CRISP3: variants seen among roughly 807,000 people sequenced by gnomAD.
The protein encoded by CRISP3 is cysteine-rich secretory protein 3.
CRISP3 carries 33 observed loss-of-function variants against 36.1 expected under a neutral mutation model. The observed-to-expected ratio is 0.91, with a 90% CI of 0.69 to 1.22. CRISP3 has a LOEUF of 1.22. CRISP3 is among the 50% of genes most tolerant of loss of function. CRISP3 has a pLI of 0.00. For missense variants in CRISP3, 330 were observed against 301.2 expected, an observed-to-expected ratio of 1.10 and a Z score of -0.71; for synonymous variants, 117 against 104.6, an observed-to-expected ratio of 1.12 and a Z score of -0.72.
chr6:49,735,606 G>GA lies in CRISP3; in HGVS notation c.229-16dup, dbSNP rs561567567. 9.6e-5 allele frequency: 154 copies of GA among 1,600,316 alleles called. 1 individual carries two copies. In the South Asian group the frequency reaches 1.2e-3, roughly 12 times the overall value. On this transcript the variant is annotated splice_polypyrimidine_tract_variant and intron_variant, in intron 3 of 7. Coordinates refer to ENST00000263045, the MANE Select transcript of CRISP3 (RefSeq NM_006061.4). ...TTGTTCCATTCCTGAAACAAGGACAGAAAAAAGATATCCACTTAATGTCTC... is the reference window on the plus strand; with the variant it reads ...TTGTTCCATTCCTGAAACAAGGACAGAAAAAAAGATATCCACTTAATGTCTC...
At chr6:49,736,360 C>T (rs775355691) in intron 3 of CRISP3, 31 bp downstream of exon 3, 7 of 1,429,090 alleles carry the variant, frequency 4.9e-6, no homozygotes, top group South Asian at 4.7e-5. Context: ...AGCTTGTTCA[C>T]ACCCCTCTCC....
intron 2 of CRISP3, among the ~76,000 whole-genome samples, chr6:49,737,088 T>C (rs996445040): frequency 6.6e-6 from 1 of 152,172 alleles, no homozygotes; most frequent in Non-Finnish European, 1.5e-5. Context: ...CAAGGCAATT[T>C]GCGGGGTGGA....
Position 49,727,582 on chromosome 6 carries a change from T to G in CRISP3, c.*1148A>C, listed in dbSNP as rs1768796544. The G allele has an allele frequency of 6.6e-6, 1 of 152,066 alleles. No individual in the cohort carries two copies. The highest frequency in any genetic ancestry group is 6.5e-5 in the Admixed American group (1 of 15,268). The allele number at this position is 152,066 out of a possible 1,614,324, so 9.4% of individuals were successfully genotyped here. Reference sequence around the variant, plus strand: ...CCAGATTCTATTCAGACTTCATCAGTTTTTTCATTACTGATCTTTTTCTGT... The same window carrying G: ...CCAGATTCTATTCAGACTTCATCAGGTTTTTCATTACTGATCTTTTTCTGT... On this transcript the variant is annotated 3_prime_UTR_variant, in exon 8 of 8. Coordinates refer to ENST00000263045, the MANE Select transcript of CRISP3 (RefSeq NM_006061.4).
rs1769028388 is a variant in CRISP3 at position 49,735,552 on chromosome 6, C to T, written c.268G>A (p.Ala90Thr). 6.2e-7 allele frequency: 1 copy of T among 1,612,440 alleles called. No individual in the cohort carries two copies. Among genetic ancestry groups the T allele is most frequent in the Non-Finnish European group, 8.5e-7 (1 of 1,179,090 alleles). ...CTGTGTCTGTAATTGCACTGGTTTG[C>T]CCACTTTTGGGCATTTGCTGCAGCC... ...KEAAANAQKWANQCNYRHSNP... is the reference protein window; with the variant it reads ...KEAAANAQKWTNQCNYRHSNP... Residue 90 changes from alanine to threonine, a missense_variant, in exon 4 of 8, where the codon GCA (alanine) becomes ACA (threonine). Transcript: ENST00000263045.
At chr6:49,732,578 G>A (rs1355849504) in intron 6 of CRISP3, among the ~76,000 whole-genome samples, 1 of 152,040 alleles carries the variant, frequency 6.6e-6, no homozygotes, top group Non-Finnish European at 1.5e-5. Flanking sequence ...AAGAAATTAG[G>A]ATCTTAATGG....
chr6:49,737,975 A>C (rs1219676667), intron 1 of CRISP3, among the ~76,000 whole-genome samples: 1 of 151,826 alleles, frequency 6.6e-6, no homozygotes, highest in African/African-American at 2.4e-5. Context: ...CCTTTAAACT[A>C]CTCTCTTCAA....
intron 4 of CRISP3, among the ~76,000 whole-genome samples, chr6:49,734,487 C>T (rs972198071): frequency 3.9e-5 from 6 of 152,080 alleles, no homozygotes; most frequent in Non-Finnish European, 8.8e-5. Context: ...CCCAGAAATA[C>T]TTCAACACTT....
At chr6:49,742,985 G>T (rs1156274530) in intron 1 of CRISP3, among the ~76,000 whole-genome samples, 1 of 152,136 alleles carries the variant, frequency 6.6e-6, no homozygotes, top group East Asian at 1.9e-4. Flanking sequence ...AGTATTTGAT[G>T]CAATATTTTC....
Position 49,733,746 on chromosome 6 carries a change from A to G in CRISP3, c.419T>C (p.Val140Ala). 1 of 1,613,722 alleles carries G rather than the reference A, an allele frequency of 6.2e-7. No individual in the cohort carries two copies. Among genetic ancestry groups the G allele is most frequent in the South Asian group, 1.1e-5 (1 of 91,060 alleles). The change falls in exon 5 of 8, where the codon GTA becomes GCA. Residue 140 changes from valine (V) to alanine (A), a missense_variant. Coordinates refer to ENST00000263045, the MANE Select transcript of CRISP3 (RefSeq NM_006061.4). ...CACTGCGTTGGGAGTCTTTGGCCCT[A>G]CACCAAAGTCAAAATCATTGTACTC... ...FDEYNDFDFG[V>A]GPKTPNAVVG... is the part of the protein sequence containing the mutation.
intron 1 of CRISP3, among the ~76,000 whole-genome samples, chr6:49,741,024 T>C (rs1288355046): frequency 2.7e-5 from 4 of 150,372 alleles, no homozygotes; most frequent in African/African-American, 2.4e-5. Flanking sequence ...TGGCGTGAAC[T>C]CGGGAGGCAG....
At chr6:49,741,606 A>G (rs1769203709) in intron 1 of CRISP3, among the ~76,000 whole-genome samples, 4 of 142,160 alleles carry the variant, frequency 2.8e-5, no homozygotes, top group East Asian at 2.1e-4. Flanking sequence ...CAACCCCTGT[A>G]TGTAGTTTTT....
chr6:49,737,038 A>G (rs1005626955), intron 2 of CRISP3, among the ~76,000 whole-genome samples: 12 of 152,070 alleles, frequency 7.9e-5, no homozygotes, highest in Non-Finnish European at 4.4e-5. Context: ...ATATTATGGG[A>G]TCACTCAAAA....
intron 3 of CRISP3, among the ~76,000 whole-genome samples, chr6:49,735,999 G>A (rs185862992): frequency 2.0e-5 from 3 of 151,958 alleles, no homozygotes; most frequent in East Asian, 1.9e-4. Flanking sequence ...GAATATGTTC[G>A]GGAGACATGT....
intron 1 of CRISP3, among the ~76,000 whole-genome samples, chr6:49,740,393 C>G (rs7760595): frequency 0.14 from 21,376 of 152,116 alleles, 1,683 homozygotes; most frequent in African/African-American, 0.21. Context: ...ATAAAGCAAG[C>G]CTTTGGCTTT....
In CRISP3 at chr6:49,731,248, A is replaced by G. The variant is rs1554140550; in HGVS notation, c.564T>C (p.Gly188=). Residue 188 remains glycine, a synonymous_variant, in exon 7 of 8, where the codon GGT becomes GGC. Transcript: ENST00000263045. ...GGACATATAGTCTATTAGCCCAATT[A>G]CCACTGAAATTTGAAATAAAAATGT... The part of the protein sequence containing the change: ...YYYVCQYCPA[G]NWANRLYVPY... The G allele has an allele frequency of 2.5e-6, 4 of 1,583,824 alleles. No homozygotes were observed. In the East Asian group the frequency reaches 6.8e-5, roughly 27 times the overall value.
At chr6:49,728,962 C>G (rs1482691730) in intron 7 of CRISP3, 105 bp from the exon 8 acceptor site, 1 of 1,089,404 alleles carries the variant, frequency 9.2e-7, no homozygotes, top group Non-Finnish European at 1.3e-6. Context: ...AGTGAGCAAA[C>G]AAGTTGAGAT....
intron 7 of CRISP3, among the ~76,000 whole-genome samples, chr6:49,729,676 G>GTT (rs532583882): frequency 6.6e-6 from 1 of 150,932 alleles, no homozygotes; most frequent in Admixed American, 6.6e-5. Context: ...CTATTTTTTG[G>GTT]TTTTTTTTTG....
At chr6:49,738,091 C>A (rs1194128948) in intron 1 of CRISP3, among the ~76,000 whole-genome samples, 4 of 152,056 alleles carry the variant, frequency 2.6e-5, no homozygotes, top group Non-Finnish European at 5.9e-5. Context: ...GATCTTAAAA[C>A]AAAAAGGTAA....
At position 49,728,847 on chromosome 6, in the gene CRISP3, G is replaced by C. The variant is rs781644479; in HGVS notation, c.660C>G (p.Cys220Trp). ...AGTTACTATAGAGATCTTCGTACTTGCAACCATTGGCTGGAATAAAAACAA... is the reference window on the plus strand; with the variant it reads ...AGTTACTATAGAGATCTTCGTACTTCCAACCATTGGCTGGAATAAAAACAA... ...NCDDGLCTNG[C>W]KYEDLYSNCK... Residue 220 changes from cysteine to tryptophan, a missense_variant, in exon 8 of 8, where the codon TGC becomes TGG. Cys to Trp is a radical substitution (Grantham distance 215). Coordinates refer to ENST00000263045, the MANE Select transcript of CRISP3 (RefSeq NM_006061.4). 6.2e-7 allele frequency: 1 copy of C among 1,607,050 alleles called. No individual in the cohort carries two copies. The highest frequency in any genetic ancestry group is 2.2e-5 in the East Asian group (1 of 44,652).
Sources: allele counts gnomAD v4.1 joint callset (sites outside exome capture counted in the v4.1 genomes callset), GRCh38; gene constraint gnomAD v4.1.1; transcripts MANE v1.5; gene names NCBI Gene and HGNC (gene_info 2026-07-23, HGNC 2026-07-21).